Variants in REEP3 observed in about 807,000 individuals in gnomAD.
The protein encoded by REEP3 is receptor accessory protein 3, also known as receptor expression-enhancing protein 3.
Under a neutral mutation model 41.3 loss-of-function variants are expected in REEP3, and 20 were observed. The ratio of observed to expected loss-of-function variants is 0.48; its 90% CI spans 0.34 to 0.70. The LOEUF (loss-of-function observed/expected upper bound fraction) is 0.70, where lower values mean the gene tolerates loss of function less well. Ranked by LOEUF, REEP3 falls within the 30% of genes least tolerant of loss-of-function variation. REEP3 has a pLI of 0.01. For missense variants in REEP3, 271 were observed against 308.8 expected (o/e 0.88, Z 0.92); for synonymous variants, 104 against 101.8 (o/e 1.02, Z -0.13).
At chr10:63,568,887 T>TC (rs1955828043) in intron 2 of REEP3, among the ~76,000 whole-genome samples, 1 of 152,094 alleles carries the variant, frequency 6.6e-6, no homozygotes, top group South Asian at 2.1e-4. Context: ...GATCTTGGAC[T>TC]CCTGGCCTCA....
intron 2 of REEP3, among the ~76,000 whole-genome samples, chr10:63,584,241 C>T (rs938167805): frequency 1.3e-5 from 2 of 152,084 alleles, no homozygotes; most frequent in Non-Finnish European, 2.9e-5. Flanking sequence ...TAATTAGAAA[C>T]TGCAGGTAAA....
chr10:63,598,399 G>T (rs1365272458), intron 4 of REEP3, among the ~76,000 whole-genome samples: 1 of 146,042 alleles, frequency 6.8e-6, no homozygotes, highest in Non-Finnish European at 1.5e-5. Context: ...CAGGAGAATC[G>T]CTTGAACCCA....
In REEP3 at chr10:63,623,045, T is replaced by G. The variant is rs763595790; in HGVS notation, c.*2176T>G. On this transcript the variant is annotated 3_prime_UTR_variant, in exon 8 of 8. Transcript: ENST00000373758. ...TAAAGTCTGGTCCCAGTATTAAACC[T>G]ATTCTTTAGTAAACTCATATTACTG... 3.3e-5 allele frequency: 5 copies of G among 152,212 alleles called. No individual in the cohort carries two copies. The highest frequency in any genetic ancestry group is 5.9e-5 in the Non-Finnish European group (4 of 68,036). 9.4% of individuals were successfully genotyped at this position (152,212 alleles called of 1,614,324 possible).
At chr10:63,535,245 A>AT (rs1201188649) in intron 1 of REEP3, among the ~76,000 whole-genome samples, 2 of 152,174 alleles carry the variant, frequency 1.3e-5, no homozygotes. Flanking sequence ...GTTCAAATAT[A>AT]TCAATAATAA....
intron 1 of REEP3, among the ~76,000 whole-genome samples, chr10:63,522,510 G>A (rs764708242): frequency 1.3e-5 from 2 of 152,060 alleles, no homozygotes; most frequent in Non-Finnish European, 2.9e-5. Flanking sequence ...CAATGACGTA[G>A]TTACAGCTAG....
intron 1 of REEP3, among the ~76,000 whole-genome samples, chr10:63,542,212 T>C (rs1405669133): frequency 1.3e-5 from 2 of 151,926 alleles, no homozygotes; most frequent in South Asian, 2.1e-4. Context: ...CACTAGTAGC[T>C]GGGATTACAG....
intron 6 of REEP3, among the ~76,000 whole-genome samples, chr10:63,618,144 T>A (rs1956326390): frequency 1.3e-5 from 2 of 151,196 alleles, no homozygotes; most frequent in African/African-American, 4.9e-5. Context: ...TTCCACTTTC[T>A]CCTCACCTGA....
chr10:63,605,145 A>G (rs1047790507), intron 5 of REEP3, among the ~76,000 whole-genome samples: 15 of 152,236 alleles, frequency 9.9e-5, no homozygotes, highest in African/African-American at 3.6e-4. Context: ...GATGAGTCAG[A>G]AAAAACTAAA....
At chr10:63,605,927 C>G (rs550569186) in intron 5 of REEP3, among the ~76,000 whole-genome samples, 3 of 152,170 alleles carry the variant, frequency 2.0e-5, no homozygotes, top group Admixed American at 6.5e-5. Flanking sequence ...CAGTTTCTTA[C>G]AGAGGCATTT....
chr10:63,602,725 G>A lies in REEP3; in HGVS notation c.417+3442G>A, dbSNP rs796768095. 2.4e-4 allele frequency among the ~76,000 whole-genome samples: 36 copies of A among 152,178 alleles called. 1 individual carries two copies. Among genetic ancestry groups the A allele is most frequent in the African/African-American group, 8.2e-4 (34 of 41,528 alleles). ...TTTGACTTGTGTTTACTACTCCCAC[G>A]TAGGGCATCAGCAGTCCCCACTCTA... On this transcript the variant is annotated intron_variant, in intron 5 of 7. Transcript: ENST00000373758.
intron 1 of REEP3, among the ~76,000 whole-genome samples, chr10:63,543,053 G>C (rs532822325): frequency 6.6e-6 from 1 of 152,226 alleles, no homozygotes; most frequent in South Asian, 2.1e-4. Context: ...CAGCAGTAAT[G>C]ATTCACCCCT....
At chr10:63,529,047 GA>G (rs1955393984) in intron 1 of REEP3, among the ~76,000 whole-genome samples, 2 of 152,254 alleles carry the variant, frequency 1.3e-5, no homozygotes, top group South Asian at 4.1e-4. Flanking sequence ...GTAAGAGAAT[GA>G]AAAAAATGAA....
chr10:63,601,018 TG>T (rs752677571), intron 5 of REEP3, among the ~76,000 whole-genome samples: 5 of 151,134 alleles, frequency 3.3e-5, no homozygotes, highest in Admixed American at 1.3e-4. Flanking sequence ...CTGGGCGTGG[TG>T]GGGGGGCGCC....
chr10:63,571,959 G>A (rs1589871600), intron 2 of REEP3, among the ~76,000 whole-genome samples: 1 of 152,062 alleles, frequency 6.6e-6, no homozygotes, highest in African/African-American at 2.4e-5. Flanking sequence ...CGTAAAAGTT[G>A]AAACAGCCTT....
intron 6 of REEP3, among the ~76,000 whole-genome samples, chr10:63,618,574 C>T (rs570067055): frequency 3.0e-4 from 45 of 152,338 alleles, no homozygotes; most frequent in Admixed American, 1.3e-3. Context: ...AATCTCACCC[C>T]TTTCTTTATA....
chr10:63,557,285 G>T (rs12247907), intron 1 of REEP3, among the ~76,000 whole-genome samples: 2 of 151,902 alleles, frequency 1.3e-5, no homozygotes, highest in Non-Finnish European at 2.9e-5. Context: ...CCACCATACA[G>T]ATAGAATAGA....
intron 2 of REEP3, among the ~76,000 whole-genome samples, chr10:63,575,960 C>T (rs1363677430): frequency 1.3e-5 from 2 of 152,060 alleles, no homozygotes; most frequent in Non-Finnish European, 2.9e-5. Flanking sequence ...CTTGAACTAC[C>T]GACCTCAGGT....
rs1956368019 is a variant in REEP3, at chr10:63,623,108, T to C, written c.*2239T>C. On this transcript the variant is annotated 3_prime_UTR_variant, in exon 8 of 8. Coordinates refer to ENST00000373758, the MANE Select transcript of REEP3 (RefSeq NM_001001330.3). The stretch of plus-strand genomic sequence containing the variant: ...GAAATTATTTATTACTCTGTACTTC[T>C]AGACTCAAAATTCTTTATCAAAGAT... 6.6e-6 allele frequency: 1 copy of C among 152,252 alleles called. No homozygotes were observed. Among genetic ancestry groups the C allele is most frequent in the Non-Finnish European group, 1.5e-5 (1 of 68,050 alleles). 9.4% of individuals were successfully genotyped at this position (152,252 alleles called of 1,614,324 possible).
chr10:63,598,393 A>T (rs1956137428), intron 4 of REEP3, among the ~76,000 whole-genome samples: 1 of 149,980 alleles, frequency 6.7e-6, no homozygotes, highest in South Asian at 2.2e-4. Flanking sequence ...CTGAGGCAGG[A>T]GAATCGCTTG....
Sources: gnomAD v4.1 joint callset for allele counts (sites outside exome capture counted in the v4.1 genomes callset) on GRCh38, gnomAD v4.1.1 for gene constraint, MANE v1.5 for transcripts, NCBI Gene and HGNC (gene_info 2026-07-23, HGNC 2026-07-21) for gene names.